The following HOOK1 variants were observed in gnomAD, a reference collection of about 807,000 sequenced individuals.
HOOK1 encodes protein Hook homolog 1.
In HOOK1, 60 loss-of-function variants were observed where a neutral mutation model predicts 112.8. That is an observed-to-expected ratio of 0.53 (90% confidence interval 0.43 to 0.66). The LOEUF (loss-of-function observed/expected upper bound fraction) is 0.66. Among genes scored for constraint, HOOK1 ranks in the 30% least tolerant of loss-of-function variants. HOOK1 has a pLI of 0.00. For missense variants in HOOK1, 770 were observed against 856.0 expected (o/e 0.90, Z 1.25); for synonymous variants, 294 against 283.8 (o/e 1.04, Z -0.36).
At chr1:59,855,995 T>TTG (rs2098410541) in intron 12 of HOOK1, among the ~76,000 whole-genome samples, 1 of 129,102 alleles carries the variant, frequency 7.7e-6, no homozygotes, top group Non-Finnish European at 1.6e-5. Flanking sequence ...TTTTTTTTTT[T>TTG]TTTTTTTTTT....
chr1:59,868,275 T>G lies in HOOK1; in HGVS notation c.1871T>G (p.Leu624Ter). The G allele has an allele frequency of 6.2e-7, 1 of 1,608,244 alleles. No individual in the cohort carries two copies. Among genetic ancestry groups the G allele is most frequent in the Non-Finnish European group, 8.5e-7 (1 of 1,175,646 alleles). ...GTAATAAAAACTTTGGATCCCAAGT[T>G]AAATCCAGCATCAGCTGAAATAATG... is the stretch of plus-strand genomic sequence containing the variant. ...RNVIKTLDPK[L>*]NPASAEIMLL... The change falls in exon 20 of 22, where the codon TTA becomes TGA. Residue 624 changes from leucine to a stop codon, truncating the protein, a stop_gained. Transcript: ENST00000371208. LOFTEE classifies it high-confidence loss of function.
intron 20 of HOOK1, among the ~76,000 whole-genome samples, chr1:59,869,132 G>T (rs1304866549): frequency 6.6e-6 from 1 of 151,696 alleles, no homozygotes. Flanking sequence ...ATGCATAATT[G>T]CAGAGCCATA....
intron 3 of HOOK1, among the ~76,000 whole-genome samples, chr1:59,830,067 T>C (rs2102016307): frequency 6.6e-6 from 1 of 152,252 alleles, no homozygotes; most frequent in South Asian, 2.1e-4. Context: ...GACAATACTC[T>C]GTATTGAGAA....
At chr1:59,848,914 C>A (rs2098405612) in intron 11 of HOOK1, among the ~76,000 whole-genome samples, 159 bp from the exon 12 acceptor site, 1 of 151,472 alleles carries the variant, frequency 6.6e-6, no homozygotes, top group African/African-American at 2.4e-5. Context: ...TAATTCTTAT[C>A]TATATGTTAT....
intron 12 of HOOK1, among the ~76,000 whole-genome samples, chr1:59,857,788 C>G (rs1239903926): frequency 2.6e-5 from 4 of 152,154 alleles, no homozygotes. Flanking sequence ...AGAAGTTTGT[C>G]ATTGGTGTAG....
intron 1 of HOOK1, among the ~76,000 whole-genome samples, chr1:59,818,561 A>G (rs1028434119): frequency 6.6e-6 from 1 of 152,226 alleles, no homozygotes; most frequent in African/African-American, 2.4e-5. Flanking sequence ...TTGTATAAAG[A>G]TAAATTTAAT....
chr1:59,836,766 G>T, intron 6 of HOOK1, 107 bp from the exon 7 acceptor site: 1 of 620,168 alleles, frequency 1.6e-6, no homozygotes. Flanking sequence ...TCAAATTAAG[G>T]CAAGGAAAAG....
In HOOK1 at chr1:59,833,551, A is replaced by G. The variant is rs911078588; in HGVS notation, c.406+14A>G. ...AAAAGAAGCAAGGTAAGTGAATTTC[A>G]ATCATTTGAGGATTTCTACTTTCTA... On this transcript the variant is annotated intron_variant, in intron 5 of 21. Transcript: ENST00000371208. The G allele has an allele frequency of 5.9e-6, 9 of 1,523,842 alleles. No homozygotes were observed. The highest frequency in any genetic ancestry group is 8.0e-6 in the Non-Finnish European group (9 of 1,125,754). 94.4% of individuals were successfully genotyped at this position (1,523,842 alleles called of 1,614,324 possible). A position where few individuals can be genotyped will look rare whatever the true frequency, so the allele number is the denominator to read the frequency against.
At chr1:59,869,380 T>G (rs983469180) in intron 20 of HOOK1, among the ~76,000 whole-genome samples, 27 of 151,998 alleles carry the variant, frequency 1.8e-4, no homozygotes, top group Admixed American at 1.8e-3. Flanking sequence ...TTTGTAGAGA[T>G]AGGGTTTTGC....
At chr1:59,845,251 C>T (rs2098403086) in intron 9 of HOOK1, among the ~76,000 whole-genome samples, 1 of 151,960 alleles carries the variant, frequency 6.6e-6, no homozygotes, top group Non-Finnish European at 1.5e-5. Context: ...ATAACTTAAT[C>T]ACTTCCCAAA....
chr1:59,815,035 G>A lies in HOOK1; in HGVS notation c.-83G>A. On this transcript the variant is annotated 5_prime_UTR_variant, in exon 1 of 22. Transcript: ENST00000371208. ...TACCGAGCTTTCCTGGGGGCTAGCA[G>A]GTCGTGGACGCCGGCTCCTGGAGGA... is the stretch of plus-strand genomic sequence containing the variant. 1.4e-6 allele frequency: 2 copies of A among 1,386,528 alleles called. No individual in the cohort carries two copies. Among genetic ancestry groups the A allele is most frequent in the Non-Finnish European group, 2.0e-6 (2 of 1,012,320 alleles). 85.9% of individuals were successfully genotyped at this position (1,386,528 alleles called of 1,614,324 possible).
chr1:59,869,978 G>A (rs1318194539), intron 20 of HOOK1, among the ~76,000 whole-genome samples: 2 of 152,096 alleles, frequency 1.3e-5, no homozygotes, highest in Non-Finnish European at 2.9e-5. Context: ...TTTTATCTCT[G>A]TACCCCTAAC....
chr1:59,833,232 T>C (rs2098395284), intron 4 of HOOK1, among the ~76,000 whole-genome samples, 173 bp from the exon 5 acceptor site: 1 of 152,180 alleles, frequency 6.6e-6, no homozygotes, highest in African/African-American at 2.4e-5. Context: ...TACTCAGAAT[T>C]TTGGAATGTT....
intron 15 of HOOK1, 88 bp from the exon 16 acceptor site, chr1:59,862,685 ATATTTTTTACT>A: frequency 1.4e-6 from 1 of 693,618 alleles, no homozygotes; most frequent in Non-Finnish European, 2.6e-6. Context: ...TGCTATAAAA[ATATTTTTTACT>A]TAAATTGCTA....
intron 7 of HOOK1, 140 bp downstream of exon 7, chr1:59,837,075 C>T (rs34155615): frequency 0.073 from 38,730 of 527,860 alleles, 1,797 homozygotes; most frequent in African/African-American, 0.18. Flanking sequence ...TGCATGATCC[C>T]AATTGAATGG....
chr1:59,828,966 T>C, intron 3 of HOOK1, 114 bp downstream of exon 3: 1 of 779,514 alleles, frequency 1.3e-6, no homozygotes, highest in East Asian at 2.6e-5. Flanking sequence ...TTGTGTATAG[T>C]TTGAGTTTTA....
chr1:59,862,442 T>C (rs1247825114), intron 15 of HOOK1, among the ~76,000 whole-genome samples: 1 of 152,158 alleles, frequency 6.6e-6, no homozygotes, highest in Admixed American at 6.6e-5. Context: ...GGAAATCTAG[T>C]TTTCATTCAT....
In HOOK1 at chr1:59,821,875, T is replaced by C; in HGVS notation, c.81T>C (p.Thr27=). 1 of 1,601,794 alleles carries C rather than the reference T, an allele frequency of 6.2e-7. No homozygotes were observed. The highest frequency in any genetic ancestry group is 1.4e-5 in the African/African-American group (1 of 74,006). ...CATTTTAGCTGCAGACATTCAATAC[T>C]GCCTCACCTTGTCAAGATGTCAAAC... ...SLMIWLQTFN[T]ASPCQDVKQL... is the part of the protein sequence containing the mutation. The change falls in exon 2 of 22, where the codon ACT becomes ACC. Residue 27 remains threonine (T), a synonymous_variant. Coordinates refer to ENST00000371208, the MANE Select transcript of HOOK1 (RefSeq NM_015888.6).
chr1:59,839,470 G>C (rs2098399786), intron 7 of HOOK1, among the ~76,000 whole-genome samples: 1 of 152,166 alleles, frequency 6.6e-6, no homozygotes, highest in Non-Finnish European at 1.5e-5. Context: ...TTGTGAATGG[G>C]AGTTCACCCA....
Sources: gnomAD v4.1 joint callset for allele counts (sites outside exome capture counted in the v4.1 genomes callset) on GRCh38, gnomAD v4.1.1 for gene constraint, MANE v1.5 for transcripts, NCBI Gene and HGNC (gene_info 2026-07-23, HGNC 2026-07-21) for gene names.